The following KCNH6 variants were observed in gnomAD, a reference collection of about 807,000 sequenced individuals.
The protein encoded by KCNH6 is potassium voltage-gated channel subfamily H member 6.
A neutral mutation model predicts 83.4 loss-of-function variants in KCNH6; 81 were observed. That is an observed-to-expected ratio of 0.97 (90% CI 0.81 to 1.17). KCNH6 has a LOEUF of 1.17. KCNH6 is among the 50% of genes most tolerant of loss of function. The probability of loss-of-function intolerance (pLI) is 0.00; values close to 1 mark genes in which losing one functional copy is unlikely to be tolerated. For synonymous variants in KCNH6, 503 were observed against 545.6 expected (o/e 0.92, Z 1.09); for missense variants, 1,203 against 1,290.5 (o/e 0.93, Z 1.04).
At chr17:63,537,718 T>C (rs1426254354) in intron 6 of KCNH6, among the ~76,000 whole-genome samples, 20 of 152,232 alleles carry the variant, frequency 1.3e-4, no homozygotes, top group Non-Finnish European at 7.3e-5. Context: ...ATTACAGGCC[T>C]GAGCCACCAC....
intron 12 of KCNH6, 60 bp downstream of exon 12, chr17:63,545,324 C>T: frequency 1.3e-6 from 2 of 1,557,952 alleles, no homozygotes; most frequent in Non-Finnish European, 1.8e-6. Flanking sequence ...CTTCCCTACC[C>T]TGACTTGTTC....
At chr17:63,531,498 CCT>C (rs761255165) in intron 4 of KCNH6, among the ~76,000 whole-genome samples, 30 of 152,260 alleles carry the variant, frequency 2.0e-4, no homozygotes, top group Non-Finnish European at 3.4e-4. Context: ...TGGGGCTGTC[CCT>C]GTGTTGGGGC....
rs1459755570 is a variant in KCNH6, at chr17:63,543,572, T to A, written c.2149-4T>A. On this transcript the variant is annotated splice_polypyrimidine_tract_variant and splice_region_variant and intron_variant, in intron 9 of 12. Transcript: ENST00000314672. ...TGTTATTTCACCCTCTTGCTTCCCA[T>A]AAGGCAGCCGGGGGTCTCCACTCAT... The A allele has an allele frequency of 6.2e-7, 1 of 1,606,964 alleles. No homozygotes were observed. Among genetic ancestry groups the A allele is most frequent in the Admixed American group, 1.7e-5 (1 of 59,980 alleles).
At chr17:63,540,765 T>G (rs1355115804) in intron 8 of KCNH6, among the ~76,000 whole-genome samples, 1 of 152,176 alleles carries the variant, frequency 6.6e-6, no homozygotes, top group Non-Finnish European at 1.5e-5. Flanking sequence ...TTACTGCCAC[T>G]TGCACTAACA....
In KCNH6 at chr17:63,530,432, G is replaced by A. The variant is rs775023443; in HGVS notation, c.565G>A (p.Val189Met). The change falls in exon 4 of 13, where the codon GTG (valine) becomes ATG (methionine). Residue 189 changes from valine (V) to methionine (M), a missense_variant. Coordinates refer to ENST00000314672, the MANE Select transcript of KCNH6 (RefSeq NM_001278919.2). Reference sequence around the variant, plus strand: ...GATCCCACAGTTCACGCTCAACTTCGTGGAGTTCAACTTGGAGAAGCACCG... The same window carrying A: ...GATCCCACAGTTCACGCTCAACTTCATGGAGTTCAACTTGGAGAAGCACCG... ...SQIPQFTLNF[V>M]EFNLEKHRSS... 9.9e-6 allele frequency: 16 copies of A among 1,614,228 alleles called. No individual in the cohort carries two copies. The highest frequency in any genetic ancestry group is 1.3e-5 in the African/African-American group (1 of 75,068).
Position 63,545,991 on chromosome 17 carries a change from C to T in KCNH6, c.*89C>T. 2 of 1,263,818 alleles carry T rather than the reference C, an allele frequency of 1.6e-6. No individual in the cohort carries two copies. The highest frequency in any genetic ancestry group is 1.4e-5 in the South Asian group (1 of 73,982). The allele number at this position is 1,263,818 out of a possible 1,614,324, so 78.3% of individuals were successfully genotyped here. On this transcript the variant is annotated 3_prime_UTR_variant, in exon 13 of 13. Transcript: ENST00000314672. The stretch of plus-strand genomic sequence containing the variant: ...GGAGGTGGCCGGGTGCAGTGGCTCG[C>T]CTGTAATCCCAGCACTTTGGGAGGC...
In KCNH6 at chr17:63,534,289, T is replaced by C. The variant is rs1233710911; in HGVS notation, c.1079T>C (p.Ile360Thr). The C allele has an allele frequency of 3.1e-6, 5 of 1,613,512 alleles. 1 individual carries two copies. The Admixed American group carries it at 8.3e-5, about 27-fold the overall frequency. The change falls in exon 5 of 13, where the codon ATC becomes ACC. Residue 360 changes from isoleucine to threonine, a missense_variant. Transcript: ENST00000314672. This position sits in a 1 kb window ranked among gnomAD's most constrained non-coding sequence, Gnocchi z 5.0. ...MVAAIPFDLL[I>T]FRTGSDETTT... Reference sequence around the variant, plus strand: ...GCCGCCATCCCTTTCGACCTCCTGATCTTCCGCACTGGCTCCGATGAGGTG... The same window carrying C: ...GCCGCCATCCCTTTCGACCTCCTGACCTTCCGCACTGGCTCCGATGAGGTG...
In KCNH6 at chr17:63,530,110, G is replaced by C; in HGVS notation, c.327G>C (p.Leu109=). 1 of 1,613,664 alleles carries C rather than the reference G, an allele frequency of 6.2e-7. No individual in the cohort carries two copies. Among genetic ancestry groups the C allele is most frequent in the Non-Finnish European group, 8.5e-7 (1 of 1,180,026 alleles). ...TCGCAGCCTCCAGCTTCCGCTGCCTGGTAGATGTGGTGCCCGTGAAGAACG... is the reference window on the plus strand; with the variant it reads ...TCGCAGCCTCCAGCTTCCGCTGCCTCGTAGATGTGGTGCCCGTGAAGAACG... ...YRKDASSFRC[L]VDVVPVKNED... Residue 109 remains leucine (L), a synonymous_variant, in exon 3 of 13, where the codon CTG becomes CTC. Transcript: ENST00000314672.
At chr17:63,536,233 A>C (rs2147686711) in intron 6 of KCNH6, 165 bp downstream of exon 6, 2 of 650,446 alleles carry the variant, frequency 3.1e-6, no homozygotes, top group East Asian at 2.7e-5. Flanking sequence ...GTGTGCACCA[A>C]GTGTATACAA....
downstream of KCNH6, among the ~76,000 whole-genome samples, chr17:63,547,587 A>G (rs1304948127): frequency 6.6e-6 from 1 of 152,090 alleles, no homozygotes; most frequent in Admixed American, 6.6e-5. Context: ...GTTTTATCCT[A>G]CATGTAATTT....
chr17:63,530,345 C>G lies in KCNH6; in HGVS notation c.478C>G (p.His160Asp). 6.2e-6 allele frequency: 10 copies of G among 1,614,138 alleles called. No individual in the cohort carries two copies. The highest frequency in any genetic ancestry group is 8.5e-6 in the Non-Finnish European group (10 of 1,180,014). ...SQSFLGSEGSHGRPGGPGPGT... is the reference protein window; with the variant it reads ...SQSFLGSEGSDGRPGGPGPGT... ...CCTGGCCCTGGTTTCAGAGGGCTCT[C>G]ATGGCAGGCCAGGCGGACCAGGGCC... The change falls in exon 4 of 13, where the codon CAT (histidine) becomes GAT (aspartate). Residue 160 changes from histidine (H) to aspartate (D), a missense_variant. Transcript: ENST00000314672.
chr17:63,538,681 A>C lies in KCNH6; in HGVS notation c.1954+19A>C. On this transcript the variant is annotated intron_variant, in intron 8 of 12. Transcript: ENST00000314672. This position sits in a 1 kb window ranked among gnomAD's most constrained non-coding sequence, Gnocchi z 4.0. ...ATCCTAGGTGGGTCCGGCGGAGTGG[A>C]CCAGGCCTGTGTTGGGGATTGGATG... 6.4e-7 allele frequency: 1 copy of C among 1,558,416 alleles called. No homozygotes were observed. The highest frequency in any genetic ancestry group is 8.7e-7 in the Non-Finnish European group (1 of 1,147,888).
At chr17:63,524,486 G>A (rs1597968036) in intron 2 of KCNH6, 117 bp downstream of exon 2, 4 of 760,206 alleles carry the variant, frequency 5.3e-6, no homozygotes, top group Middle Eastern at 3.7e-4. Flanking sequence ...AACAAACCCT[G>A]TTTCTTCTAG....
At chr17:63,548,090 C>T (rs1202913380), downstream of KCNH6, among the ~76,000 whole-genome samples, 1 of 150,936 alleles carries the variant, frequency 6.6e-6, no homozygotes, top group African/African-American at 2.4e-5. Flanking sequence ...AGGGTGAAAC[C>T]CCATCTCTAC....
rs568287554 is a variant in KCNH6 at position 63,546,291 on chromosome 17, C to T, written c.*389C>T. The T allele has an allele frequency of 9.2e-5, 15 of 163,784 alleles. No individual in the cohort carries two copies. In the South Asian group the frequency reaches 2.3e-3, roughly 25 times the overall value. 10.1% of individuals were successfully genotyped at this position (163,784 alleles called of 1,614,324 possible). A position where few individuals can be genotyped will look rare whatever the true frequency, so the allele number is the denominator to read the frequency against. ...GGAGGCAGACAGCCCCCCAGATGGG[C>T]CTCTCCTAAAGTAGCTACAAACTGC... On this transcript the variant is annotated 3_prime_UTR_variant, in exon 13 of 13. Coordinates refer to ENST00000314672, the MANE Select transcript of KCNH6 (RefSeq NM_001278919.2).
chr17:63,542,378 C>A lies in KCNH6; in HGVS notation c.2092C>A (p.Pro698Thr). ...TCTGCTGGAGGTGCTGGACATGTAC[C>A]CGGCCTTTGCGGAGAGCTTCTGGAG... Reference protein sequence around the residue: ...ADLLEVLDMYPAFAESFWSKL... With the variant: ...ADLLEVLDMYTAFAESFWSKL... Residue 698 changes from proline (P) to threonine (T), a missense_variant, in exon 9 of 13, where the codon CCG (proline) becomes ACG (threonine). Pro to Thr is a conservative substitution (Grantham distance 38). Transcript: ENST00000314672. The A allele has an allele frequency of 6.2e-7, 1 of 1,614,160 alleles. No homozygotes were observed. The highest frequency in any genetic ancestry group is 8.5e-7 in the Non-Finnish European group (1 of 1,180,036).
rs1223048198 is a variant in KCNH6, at chr17:63,538,590, C to T, written c.1882C>T (p.Leu628Phe). ...CACGCTGGTGCACCTCGGCGACGTG[C>T]TCTCCACCCTCTACTTCATCTCCCG... ...GDTLVHLGDV[L>F]STLYFISRGS... The change falls in exon 8 of 13, where the codon CTC becomes TTC. Residue 628 changes from leucine (L) to phenylalanine (F), a missense_variant. Leu to Phe is a conservative substitution (Grantham distance 22). Transcript: ENST00000314672. The surrounding 1 kb of genome is among the most constrained non-coding windows in gnomAD (Gnocchi z 4.0). 6.2e-7 allele frequency: 1 copy of T among 1,612,802 alleles called. No individual in the cohort carries two copies. The highest frequency in any genetic ancestry group is 8.5e-7 in the Non-Finnish European group (1 of 1,179,498).
rs1174311833 is a variant in KCNH6, at chr17:63,525,309, A to G, written c.307+940A>G. On this transcript the variant is annotated intron_variant, in intron 2 of 12. Coordinates refer to ENST00000314672, the MANE Select transcript of KCNH6 (RefSeq NM_001278919.2). The stretch of plus-strand genomic sequence containing the variant: ...CCCAAGATCCCACTGCTAGAGTCCA[A>G]CCTGGGACTGGAACCCAAGTCTCTG... Among the ~76,000 whole-genome samples the G allele has an allele frequency of 4.6e-5, 7 of 152,302 alleles. No individual in the cohort carries two copies. In the South Asian group the frequency reaches 1.5e-3, roughly 32 times the overall value.
In KCNH6 at chr17:63,535,722, C is replaced by T. The variant is rs1356020231; in HGVS notation, c.1155C>T (p.Arg385=). ...LKTARLLRLV[R]VARKLDRYSE... is the part of the protein sequence containing the mutation. ...CAGCGCGGCTGCTGCGGCTGGTGCG[C>T]GTAGCACGGAAGCTGGACCGCTACT... The change falls in exon 6 of 13, where the codon CGC becomes CGT. Residue 385 remains arginine, a synonymous_variant. Coordinates refer to ENST00000314672, the MANE Select transcript of KCNH6 (RefSeq NM_001278919.2). The surrounding 1 kb of genome is among the most constrained non-coding windows in gnomAD (Gnocchi z 4.9). 1.4e-5 allele frequency: 22 copies of T among 1,613,380 alleles called. No homozygotes were observed. Among genetic ancestry groups the T allele is most frequent in the Non-Finnish European group, 1.8e-5 (21 of 1,179,894 alleles).
Sources: gnomAD v4.1 joint callset for allele counts (sites outside exome capture counted in the v4.1 genomes callset) on GRCh38, gnomAD v4.1.1 for gene constraint, Gnocchi (gnomAD v3.1) non-coding constraint, MANE v1.5 for transcripts, NCBI Gene and HGNC (gene_info 2026-07-23, HGNC 2026-07-21) for gene names.